CPT1A: variants seen among roughly 807,000 people sequenced by gnomAD.
The protein encoded by CPT1A is carnitine O-palmitoyltransferase 1, liver isoform.
A neutral mutation model predicts 100.8 loss-of-function variants in CPT1A; 64 were observed. The ratio of observed to expected loss-of-function variants is 0.63; its 90% CI spans 0.52 to 0.78. CPT1A has a LOEUF of 0.78. Among genes scored for constraint, CPT1A ranks in the 30% least tolerant of loss-of-function variants. The probability of loss-of-function intolerance (pLI) is 0.00; values close to 1 mark genes in which losing one functional copy is unlikely to be tolerated. For missense variants in CPT1A, 802 were observed against 1,034.1 expected (o/e 0.78, Z 3.08); for synonymous variants, 363 against 396.0 (o/e 0.92, Z 0.99).
At chr11:68,817,110 T>G (rs533838480) in intron 1 of CPT1A, among the ~76,000 whole-genome samples, 1 of 136,266 alleles carries the variant, frequency 7.3e-6, no homozygotes, top group Non-Finnish European at 1.6e-5. Context: ...GGTGTGTGTG[T>G]GTGGGTGTGT....
At chr11:68,824,661 A>T (rs1856675202) in intron 1 of CPT1A, among the ~76,000 whole-genome samples, 1 of 152,156 alleles carries the variant, frequency 6.6e-6, no homozygotes, top group South Asian at 2.1e-4. Context: ...GGGTTCAAGC[A>T]ATCCTCCTGC....
At chr11:68,832,721 C>T (rs188183133) in intron 1 of CPT1A, among the ~76,000 whole-genome samples, 227 of 152,362 alleles carry the variant, frequency 1.5e-3, no homozygotes, top group South Asian at 1.4e-3. Context: ...TTGCACAGTG[C>T]CCATGCACAC....
chr11:68,842,714 A>G (rs1176549981), upstream of CPT1A, among the ~76,000 whole-genome samples: 1 of 151,842 alleles, frequency 6.6e-6, no homozygotes, highest in Non-Finnish European at 1.5e-5. Flanking sequence ...CTTGTGCTGG[A>G]GCTCGGGAGA....
chr11:68,768,685 C>A (rs558742193), intron 14 of CPT1A, among the ~76,000 whole-genome samples: 2 of 152,312 alleles, frequency 1.3e-5, no homozygotes, highest in South Asian at 4.1e-4. Flanking sequence ...GGTTTACAGG[C>A]ACGAGCCACT....
At chr11:68,837,717 T>C (rs1857045421) in intron 1 of CPT1A, among the ~76,000 whole-genome samples, 1 of 151,990 alleles carries the variant, frequency 6.6e-6, no homozygotes, top group Non-Finnish European at 1.5e-5. Flanking sequence ...CTTATGCCTG[T>C]AATCCCAGTG....
chr11:68,815,610 C>A, intron 1 of CPT1A, 123 bp from the exon 2 acceptor site: 1 of 972,976 alleles, frequency 1.0e-6, no homozygotes, highest in Non-Finnish European at 1.6e-6. Flanking sequence ...AGATTTAATA[C>A]TTTTCATCAA....
At position 68,839,546 on chromosome 11, in the gene CPT1A, A is replaced by G. The variant is rs148095167; in HGVS notation, c.-14+2229T>C. ...CCCCAGCGACAGCGGGAGAAATGCA[A>G]CGCACCTCTCCGTGGGAAGGTCGAG... On this transcript the variant is annotated intron_variant, in intron 1 of 18. Transcript: ENST00000265641. 9.3e-5 allele frequency: 92 copies of G among 985,422 alleles called. No individual in the cohort carries two copies. In the African/African-American group the frequency reaches 1.5e-3, roughly 16 times the overall value. 61.0% of individuals were successfully genotyped at this position (985,422 alleles called of 1,614,324 possible).
intron 7 of CPT1A, 25 bp downstream of exon 7, chr11:68,796,831 C>A (rs779903651): frequency 1.2e-6 from 2 of 1,611,768 alleles, no homozygotes; most frequent in Non-Finnish European, 1.7e-6. Flanking sequence ...CCTCGTCAGA[C>A]AGCAGCCCGG....
chr11:68,786,853 T>C (rs1855476743), intron 9 of CPT1A, among the ~76,000 whole-genome samples: 1 of 152,174 alleles, frequency 6.6e-6, no homozygotes, highest in South Asian at 2.1e-4. Flanking sequence ...TTAAAATGTT[T>C]ACCAAACCAA....
intron 4 of CPT1A, among the ~76,000 whole-genome samples, chr11:68,804,864 A>G (rs3019581): frequency 0.95 from 144,833 of 152,354 alleles, 68,962 homozygotes; most frequent in Non-Finnish European, 0.98. Flanking sequence ...AAGTCTCCCA[A>G]AGGACACATC....
intron 5 of CPT1A, 124 bp from the exon 6 acceptor site, chr11:68,799,479 T>C: frequency 3.7e-6 from 4 of 1,066,854 alleles, no homozygotes; most frequent in Non-Finnish European, 4.2e-6. Context: ...CTGGGCATGG[T>C]GGCTCATGCT....
rs1177976460 is a variant in CPT1A, at chr11:68,838,571, T to TAAA, written c.-14+3203_-14+3204insTTT. On this transcript the variant is annotated intron_variant, in intron 1 of 18. Coordinates refer to ENST00000265641, the MANE Select transcript of CPT1A (RefSeq NM_001876.4). Reference sequence around the variant, plus strand: ...GACTCTACTCTGTATCTGCACCTTTTTAAAAAAAAAAAAAAAAAAACAGAG... The same window carrying TAAA: ...GACTCTACTCTGTATCTGCACCTTTTAAATAAAAAAAAAAAAAAAAAAACAGAG... Among the ~76,000 whole-genome samples the TAAA allele has an allele frequency of 2.2e-4, 16 of 74,234 alleles. 1 individual carries two copies. Among genetic ancestry groups the TAAA allele is most frequent in the African/African-American group, 6.5e-4 (7 of 10,742 alleles). 48.7% of individuals were successfully genotyped at this position (74,234 alleles called of 152,430 possible). A position where few individuals can be genotyped will look rare whatever the true frequency, so the allele number is the denominator to read the frequency against.
rs1408780119 is a variant in CPT1A at position 68,760,483 on chromosome 11, T to C, written c.2029-145A>G. The C allele has an allele frequency of 5.6e-5, 36 of 639,888 alleles. No homozygotes were observed. The Admixed American group carries it at 8.0e-4, about 14-fold the overall frequency. The allele number at this position is 639,888 out of a possible 1,614,324, so 39.6% of individuals were successfully genotyped here. A position where few individuals can be genotyped will look rare whatever the true frequency, so the allele number is the denominator to read the frequency against. ...TATGTCTCCAAAGGCCTCACTGGCT[T>C]GGGCAGCGTATCTGCAGAGAGCATG... is the stretch of plus-strand genomic sequence containing the variant. On this transcript the variant is annotated intron_variant, in intron 16 of 18. Transcript: ENST00000265641.
rs147389938 is a variant in CPT1A at position 68,812,558 on chromosome 11, C to T, written c.160G>A (p.Val54Met). ...CAACTGGAGGGGCTTGCCGGGTACA[C>T]GCCAGTGATGATGCCGTTCTAAAGA... ...IRFKNGIITGVYPASPSSWLI... is the reference protein window; with the variant it reads ...IRFKNGIITGMYPASPSSWLI... Residue 54 changes from valine (V) to methionine (M), a missense_variant, in exon 3 of 19, where the codon GTG becomes ATG. Physicochemically the swap from Val to Met is conservative, Grantham distance 21 (BLOSUM62 1). Around this residue, in one of 4 missense-constraint regions of CPT1A, gnomAD observed 161 missense variants for 183.7 expected, o/e 0.88. Transcript: ENST00000265641. 2.5e-5 allele frequency: 40 copies of T among 1,614,158 alleles called. 1 individual carries two copies. In the East Asian group the frequency reaches 6.5e-4, roughly 26 times the overall value.
Position 68,799,282 on chromosome 11 carries a change from G to A in CPT1A, c.629C>T (p.Ala210Val). 1 of 1,613,984 alleles carries A rather than the reference G, an allele frequency of 6.2e-7. No individual in the cohort carries two copies. ...KRMTALAQDFAVGLGPRLQWY... is the reference protein window; with the variant it reads ...KRMTALAQDFVVGLGPRLQWY... ...CTGTAATCTTGGTCCAAGACCGACA[G>A]CAAAATCTTGAGCAAGTGCTGTCAT... Residue 210 changes from alanine to valine, a missense_variant, in exon 6 of 19, where the codon GCT becomes GTT. By Grantham distance (64) the Ala-to-Val change is moderately conservative (BLOSUM62 0). Coordinates refer to ENST00000265641, the MANE Select transcript of CPT1A (RefSeq NM_001876.4).
At chr11:68,791,902 G>A (rs1455293936) in intron 9 of CPT1A, among the ~76,000 whole-genome samples, 1 of 152,134 alleles carries the variant, frequency 6.6e-6, no homozygotes, top group Non-Finnish European at 1.5e-5. Context: ...GCTTAGGAAA[G>A]CCCACTCAGA....
chr11:68,800,718 C>A (rs1414423325), intron 5 of CPT1A, among the ~76,000 whole-genome samples: 1 of 152,082 alleles, frequency 6.6e-6, no homozygotes, highest in Non-Finnish European at 1.5e-5. Context: ...ATATTTTAAT[C>A]CGACAAGTTG....
Position 68,773,320 on chromosome 11 carries a change from C to G in CPT1A, c.1685G>C (p.Cys562Ser), listed in dbSNP as rs777226313. The change falls in exon 14 of 19, where the codon TGT (cysteine) becomes TCT (serine). Residue 562 changes from cysteine to serine, a missense_variant. Physicochemically the swap from Cys to Ser is moderately radical, Grantham distance 112. Transcript: ENST00000265641. ...CACAAAGGCGTCTGGGCTCGTGCGA[C>G]ATTTCTTGATGATTCCTTTACCAAA... ...VAFGKGIIKK[C>S]RTSPDAFVQL... 1.8e-5 allele frequency: 29 copies of G among 1,614,080 alleles called. No homozygotes were observed. In the Admixed American group the frequency reaches 3.0e-4, roughly 17 times the overall value.
intron 1 of CPT1A, among the ~76,000 whole-genome samples, chr11:68,840,529 A>T (rs959844041): frequency 6.6e-6 from 1 of 152,248 alleles, no homozygotes; most frequent in Non-Finnish European, 1.5e-5. Flanking sequence ...CTGCCCTTAA[A>T]TATTTTATAA....
Sources: allele counts gnomAD v4.1 joint callset (sites outside exome capture counted in the v4.1 genomes callset), GRCh38; gene constraint gnomAD v4.1.1; regional missense constraint gnomAD v4.1.1; transcripts MANE v1.5; gene names NCBI Gene and HGNC (gene_info 2026-07-23, HGNC 2026-07-21).